The following STX6 variants were observed in gnomAD, a reference collection of about 807,000 sequenced individuals.
STX6 encodes the protein syntaxin 6, also known as syntaxin-6.
STX6 carries 23 observed loss-of-function variants against 38.0 expected under a neutral mutation model. That is an observed-to-expected ratio of 0.60 (90% CI 0.43 to 0.86). The LOEUF (loss-of-function observed/expected upper bound fraction) is 0.86, where lower values mean the gene tolerates loss of function less well. Among genes scored for constraint, STX6 ranks in the 40% least tolerant of loss-of-function variants. The pLI, the probability that STX6 is intolerant of heterozygous loss-of-function variation, is 0.00. For synonymous variants in STX6, 123 were observed against 107.5 expected (o/e 1.14, Z -0.89); for missense variants, 274 against 312.9 (o/e 0.88, Z 0.94).
intron 1 of STX6, among the ~76,000 whole-genome samples, chr1:181,017,503 G>A (rs1656595897): frequency 6.6e-6 from 1 of 152,198 alleles, no homozygotes; most frequent in Admixed American, 6.5e-5. Flanking sequence ...ATCCACAGGA[G>A]TGGCTCACTT....
chr1:181,010,064 G>A (rs1049587350), intron 1 of STX6, among the ~76,000 whole-genome samples: 2 of 152,166 alleles, frequency 1.3e-5, no homozygotes, highest in Admixed American at 1.3e-4. Flanking sequence ...TTTGCCAGGT[G>A]CTCGACATGG....
At chr1:181,007,163 A>C (rs1038931224) in intron 1 of STX6, among the ~76,000 whole-genome samples, 1 of 152,194 alleles carries the variant, frequency 6.6e-6, no homozygotes, top group Admixed American at 6.5e-5. Flanking sequence ...CAGGATACCA[A>C]ATCTGCAGAT....
At chr1:181,021,092 G>C (rs1656711649) in intron 1 of STX6, among the ~76,000 whole-genome samples, 1 of 152,074 alleles carries the variant, frequency 6.6e-6, no homozygotes, top group Non-Finnish European at 1.5e-5. Context: ...GCAAGCATTA[G>C]TAGACTGTAT....
intron 6 of STX6, chr1:180,987,792 G>A (rs1213245602): frequency 1.3e-5 from 2 of 149,126 alleles, no homozygotes; most frequent in African/African-American, 2.5e-5. Flanking sequence ...AAATTTGTAA[G>A]TTTTTTTTAA....
chr1:180,990,745 C>G (rs370436876), intron 4 of STX6, among the ~76,000 whole-genome samples: 2 of 152,168 alleles, frequency 1.3e-5, no homozygotes, highest in Non-Finnish European at 1.5e-5. Context: ...CTGACCCTGG[C>G]AACCGAGGCA....
rs1240001217 is a variant in STX6, at chr1:180,975,355, T to C, written c.*1215A>G. The C allele has an allele frequency of 6.6e-6, 1 of 152,154 alleles. No homozygotes were observed. Among genetic ancestry groups the C allele is most frequent in the East Asian group, 1.9e-4 (1 of 5,166 alleles). 9.4% of individuals were successfully genotyped at this position (152,154 alleles called of 1,614,324 possible). On this transcript the variant is annotated 3_prime_UTR_variant, in exon 8 of 8. Transcript: ENST00000258301. ...ACATTTGAGGCATTTTAAAAAGTCA[T>C]CAGAAGGTTAAAGTTTAGTGTCTCA...
chr1:180,996,767 C>A (rs1571338913), intron 3 of STX6, among the ~76,000 whole-genome samples: 1 of 152,124 alleles, frequency 6.6e-6, no homozygotes, highest in Non-Finnish European at 1.5e-5. Flanking sequence ...GAGATGAGGT[C>A]TCACTATGTT....
chr1:181,001,779 T>G (rs1271216749), intron 3 of STX6, among the ~76,000 whole-genome samples: 1 of 152,206 alleles, frequency 6.6e-6, no homozygotes, highest in Non-Finnish European at 1.5e-5. Flanking sequence ...ATAACTAGCT[T>G]GAAGAAACTA....
At chr1:181,005,269 GCA>G in intron 2 of STX6, 23 bp downstream of exon 2, 1 of 1,603,424 alleles carries the variant, frequency 6.2e-7, no homozygotes, top group Non-Finnish European at 8.5e-7. Flanking sequence ...ATCCCGAATG[GCA>G]CAGACACCAC....
chr1:180,976,331 T>C lies in STX6; in HGVS notation c.*239A>G. 2.0e-6 allele frequency: 1 copy of C among 500,228 alleles called. No individual in the cohort carries two copies. The highest frequency in any genetic ancestry group is 3.6e-6 in the Non-Finnish European group (1 of 274,050). The allele number at this position is 500,228 out of a possible 1,614,324, so 31.0% of individuals were successfully genotyped here. On this transcript the variant is annotated 3_prime_UTR_variant, in exon 8 of 8. Coordinates refer to ENST00000258301, the MANE Select transcript of STX6 (RefSeq NM_005819.6). ...TCTCCTCCGAACTGGACAGGCGGCA[T>C]GGGGCTTCTGTTGTCCAGCTGCAGC...
rs1047114316 is a variant in STX6, at chr1:181,014,330, G to T, written c.35+8309C>A. ...AATCGCTTGAACCCAGGAGGCGAAGGTTGCAGTAAGCCGAGATTGCACCAC... is the reference window on the plus strand; with the variant it reads ...AATCGCTTGAACCCAGGAGGCGAAGTTTGCAGTAAGCCGAGATTGCACCAC... On this transcript the variant is annotated intron_variant, in intron 1 of 7. Coordinates refer to ENST00000258301, the MANE Select transcript of STX6 (RefSeq NM_005819.6). 2.0e-5 allele frequency among the ~76,000 whole-genome samples: 3 copies of T among 151,798 alleles called. No homozygotes were observed. In the East Asian group the frequency reaches 5.8e-4, roughly 29 times the overall value.
Position 180,972,801 on chromosome 1 carries a change from G to C in STX6, c.*3769C>G. The C allele has an allele frequency of 5.7e-6, 2 of 350,084 alleles. No homozygotes were observed. The highest frequency in any genetic ancestry group is 4.4e-5 in the South Asian group (2 of 45,108). The allele number at this position is 350,084 out of a possible 1,614,324, so 21.7% of individuals were successfully genotyped here. On this transcript the variant is annotated 3_prime_UTR_variant, in exon 8 of 8. Coordinates refer to ENST00000258301, the MANE Select transcript of STX6 (RefSeq NM_005819.6). ...TTGTCCTGAGTAACAGTATCTCTAA[G>C]CTGAGTTACTCTGATCGGAGCTACT...
Position 181,005,692 on chromosome 1 carries a change from A to G in STX6, c.36-229T>C, listed in dbSNP as rs570213178. Among the ~76,000 whole-genome samples, 7 of 152,354 alleles carry G rather than the reference A, an allele frequency of 4.6e-5. No homozygotes were observed. The South Asian group carries it at 1.4e-3, about 32-fold the overall frequency. On this transcript the variant is annotated intron_variant, in intron 1 of 7. Transcript: ENST00000258301. ...AATAGCCATTATTTAAGCAGCTACAATATCAAGTTTGTTGGGGAAGGACAA... is the reference window on the plus strand; with the variant it reads ...AATAGCCATTATTTAAGCAGCTACAGTATCAAGTTTGTTGGGGAAGGACAA...
intron 3 of STX6, among the ~76,000 whole-genome samples, chr1:181,000,817 C>A (rs989952831): frequency 1.4e-5 from 2 of 146,586 alleles, no homozygotes; most frequent in African/African-American, 2.5e-5. Context: ...TGCTTCACTG[C>A]AAGGCCCCAC....
At chr1:180,996,012 C>T (rs1655905266) in intron 3 of STX6, among the ~76,000 whole-genome samples, 2 of 151,988 alleles carry the variant, frequency 1.3e-5, no homozygotes, top group Admixed American at 6.6e-5. Flanking sequence ...TTTTCTGTAC[C>T]GTTATATTTT....
At chr1:181,000,424 G>C (rs1054354861) in intron 3 of STX6, among the ~76,000 whole-genome samples, 1 of 152,136 alleles carries the variant, frequency 6.6e-6, no homozygotes, top group Admixed American at 6.6e-5. Context: ...AAGGCAGCAG[G>C]GAAGAGTGAC....
At chr1:181,018,785 C>T (rs1444033767) in intron 1 of STX6, among the ~76,000 whole-genome samples, 2 of 152,198 alleles carry the variant, frequency 1.3e-5, no homozygotes, top group Non-Finnish European at 2.9e-5. Context: ...GCATCCAACA[C>T]TACCACCAAA....
intron 2 of STX6, 152 bp downstream of exon 2, chr1:181,005,142 G>T: frequency 7.1e-7 from 1 of 1,413,446 alleles, no homozygotes; most frequent in Non-Finnish European, 9.3e-7. Context: ...TAAGTTACTG[G>T]GCAAATACTT....
At chr1:180,977,630 C>T (rs1655294187) in intron 7 of STX6, among the ~76,000 whole-genome samples, 2 of 152,062 alleles carry the variant, frequency 1.3e-5, no homozygotes, top group South Asian at 2.1e-4. Context: ...AATTCACTAG[C>T]GTATGAAAAT....
Sources: gnomAD v4.1 joint callset for allele counts (sites outside exome capture counted in the v4.1 genomes callset) on GRCh38, gnomAD v4.1.1 for gene constraint, MANE v1.5 for transcripts, NCBI Gene and HGNC (gene_info 2026-07-23, HGNC 2026-07-21) for gene names.